FCHSD2: variants seen among roughly 807,000 people sequenced by gnomAD.
The protein encoded by FCHSD2 is F-BAR and double SH3 domains protein 2.
FCHSD2 carries 38 observed loss-of-function variants against 108.1 expected under a neutral mutation model. The ratio of observed to expected loss-of-function variants is 0.35; its 90% CI spans 0.27 to 0.46. The LOEUF (loss-of-function observed/expected upper bound fraction) is 0.46. Ranked by LOEUF, FCHSD2 falls within the 20% of genes least tolerant of loss-of-function variation. The pLI is 1.00. For missense variants in FCHSD2, 751 were observed against 897.8 expected (o/e 0.84, Z 2.09); for synonymous variants, 279 against 314.7 (o/e 0.89, Z 1.20).
At chr11:73,043,770 A>G (rs1045215250) in intron 3 of FCHSD2, among the ~76,000 whole-genome samples, 1 of 152,176 alleles carries the variant, frequency 6.6e-6, no homozygotes, top group African/African-American at 2.4e-5. Context: ...CTGATCCACC[A>G]TAACCTCCAC....
chr11:72,858,814 G>A (rs1861495181), intron 13 of FCHSD2, among the ~76,000 whole-genome samples: 1 of 152,170 alleles, frequency 6.6e-6, no homozygotes, highest in Non-Finnish European at 1.5e-5. Flanking sequence ...AAATGGATTT[G>A]TGCTTCCAGG....
chr11:72,917,280 G>T (rs990912903), intron 9 of FCHSD2, among the ~76,000 whole-genome samples: 1 of 152,128 alleles, frequency 6.6e-6, no homozygotes, highest in Non-Finnish European at 1.5e-5. Context: ...ATCACACCTG[G>T]CTTGAACTTC....
Position 72,954,443 on chromosome 11 carries a change from C to T in FCHSD2, c.705+29645G>A, listed in dbSNP as rs373047862. Among the ~76,000 whole-genome samples the T allele has an allele frequency of 1.7e-3, 255 of 151,880 alleles. 4 individuals carry two copies. In the South Asian group the frequency reaches 0.052, roughly 31 times the overall value. ...ATGATCACAAACTCCTGGGCTCAAG[C>T]GATCCTTCCCCTTCAGCCTCCCAAA... On this transcript the variant is annotated intron_variant, in intron 8 of 19. Coordinates refer to ENST00000409418, the MANE Select transcript of FCHSD2 (RefSeq NM_014824.3).
intron 9 of FCHSD2, among the ~76,000 whole-genome samples, chr11:72,907,323 ATTTC>A (rs1297183383): frequency 6.6e-6 from 1 of 152,098 alleles, no homozygotes; most frequent in African/African-American, 2.4e-5. Context: ...AATACCCTTT[ATTTC>A]TTTCTCTTGC....
At chr11:72,906,492 T>C (rs1855633167) in intron 9 of FCHSD2, among the ~76,000 whole-genome samples, 1 of 152,238 alleles carries the variant, frequency 6.6e-6, no homozygotes, top group African/African-American at 2.4e-5. Context: ...AGTCATGAAG[T>C]CTTTGCCCAT....
chr11:73,126,339 T>TAAACAAAAAAAAAAAAAAAA (rs1860856690), intron 2 of FCHSD2, among the ~76,000 whole-genome samples: 1 of 27,658 alleles, frequency 3.6e-5, no homozygotes, highest in Non-Finnish European at 8.9e-5. Flanking sequence ...GATTCCATCT[T>TAAACAAAAAAAAAAAAAAAA]AAAAAAAAAA....
chr11:72,914,486 A>G (rs1855830484), intron 9 of FCHSD2, among the ~76,000 whole-genome samples: 1 of 152,218 alleles, frequency 6.6e-6, no homozygotes, highest in South Asian at 2.1e-4. Flanking sequence ...CCCAACTTCA[A>G]ACTATACCAC....
chr11:73,085,076 CTG>C (rs1859784400), intron 2 of FCHSD2, among the ~76,000 whole-genome samples: 1 of 152,002 alleles, frequency 6.6e-6, no homozygotes, highest in Non-Finnish European at 1.5e-5. Context: ...AAAAATATAA[CTG>C]TTTAAGATCT....
chr11:72,978,089 C>A lies in FCHSD2; in HGVS notation c.705+5999G>T, dbSNP rs1421038539. Among the ~76,000 whole-genome samples the A allele has an allele frequency of 2.6e-5, 4 of 152,116 alleles. No homozygotes were observed. In the East Asian group the frequency reaches 7.7e-4, roughly 29 times the overall value. On this transcript the variant is annotated intron_variant, in intron 8 of 19. Coordinates refer to ENST00000409418, the MANE Select transcript of FCHSD2 (RefSeq NM_014824.3). ...GAAAACCAAACACCACATGTTCTCA[C>A]TCATAGGTGGGAATTGAACAATGAG...
At chr11:72,866,524 C>T (rs1358888790) in intron 13 of FCHSD2, among the ~76,000 whole-genome samples, 7 of 152,104 alleles carry the variant, frequency 4.6e-5, no homozygotes, top group African/African-American at 1.7e-4. Flanking sequence ...TCTGCCTTGG[C>T]CTCCCAAAGT....
chr11:72,852,072 A>G (rs755750688), intron 13 of FCHSD2, among the ~76,000 whole-genome samples: 4 of 151,212 alleles, frequency 2.6e-5, no homozygotes, highest in African/African-American at 4.9e-5. Flanking sequence ...TTTTTTTGGT[A>G]GATAAGGGGT....
intron 3 of FCHSD2, among the ~76,000 whole-genome samples, chr11:73,016,286 G>C (rs1319169952): frequency 2.7e-5 from 4 of 149,486 alleles, no homozygotes; most frequent in Non-Finnish European, 3.0e-5. Context: ...CTGGGTGACA[G>C]AGTGAGGCTC....
intron 2 of FCHSD2, among the ~76,000 whole-genome samples, chr11:73,098,229 C>A (rs1443793018): frequency 6.6e-6 from 1 of 152,070 alleles, no homozygotes; most frequent in African/African-American, 2.4e-5. Flanking sequence ...AGTTTCACAG[C>A]GTAAGTTTTG....
chr11:73,061,993 G>GT (rs1859177170), intron 3 of FCHSD2, among the ~76,000 whole-genome samples: 2 of 152,158 alleles, frequency 1.3e-5, no homozygotes, highest in African/African-American at 4.8e-5. Context: ...GTGGGTCCCT[G>GT]ACCCCTGTTC....
intron 2 of FCHSD2, among the ~76,000 whole-genome samples, chr11:73,114,544 A>T (rs769461772): frequency 6.6e-6 from 1 of 152,060 alleles, no homozygotes; most frequent in African/African-American, 2.4e-5. Flanking sequence ...GCTGGGTCTC[A>T]CCTGAAGCCA....
At chr11:73,074,354 A>G (rs956954962) in intron 3 of FCHSD2, among the ~76,000 whole-genome samples, 1 of 152,256 alleles carries the variant, frequency 6.6e-6, no homozygotes, top group Non-Finnish European at 1.5e-5. Context: ...GTGCAAGTAT[A>G]AAATATGTGC....
intron 12 of FCHSD2, among the ~76,000 whole-genome samples, chr11:72,887,065 T>C (rs12419767): frequency 5.1e-4 from 77 of 151,058 alleles, no homozygotes; most frequent in African/African-American, 1.8e-3. Context: ...GGAGATTTCC[T>C]AAGCTCTGAA....
At chr11:72,978,363 A>T (rs1387137739) in intron 8 of FCHSD2, among the ~76,000 whole-genome samples, 1 of 152,140 alleles carries the variant, frequency 6.6e-6, no homozygotes, top group African/African-American at 2.4e-5. Flanking sequence ...ATGAGCAAAA[A>T]ATCTGAATAG....
chr11:73,065,962 C>G (rs944150378), intron 3 of FCHSD2, among the ~76,000 whole-genome samples: 2 of 152,166 alleles, frequency 1.3e-5, no homozygotes, highest in African/African-American at 4.8e-5. Flanking sequence ...CTATCCCCAT[C>G]AAGCTACCAC....
Sources: allele counts gnomAD v4.1 joint callset (sites outside exome capture counted in the v4.1 genomes callset), GRCh38; gene constraint gnomAD v4.1.1; transcripts MANE v1.5; gene names NCBI Gene and HGNC (gene_info 2026-07-23, HGNC 2026-07-21).